RBMS3: variants seen among roughly 807,000 people sequenced by gnomAD.
RBMS3 encodes the protein RNA-binding motif, single-stranded-interacting protein 3.
Under a neutral mutation model 66.8 loss-of-function variants are expected in RBMS3, and 27 were observed. The ratio of observed to expected loss-of-function variants is 0.40; its 90% CI spans 0.30 to 0.56. RBMS3 has a LOEUF of 0.56. RBMS3 is among the 20% of genes least tolerant of loss of function. The pLI is 0.40. For missense variants in RBMS3, 513 were observed against 549.5 expected, an observed-to-expected ratio of 0.93 and a Z score of 0.66; for synonymous variants, 188 against 183.0, an observed-to-expected ratio of 1.03 and a Z score of -0.22.
chr3:29,502,962 A>G (rs2148940061), intron 3 of RBMS3, among the ~76,000 whole-genome samples: 1 of 152,094 alleles, frequency 6.6e-6, no homozygotes, highest in East Asian at 1.9e-4. Flanking sequence ...TGCCTCCCAT[A>G]TTTGCTCAGT....
At chr3:29,362,435 T>C (rs1039025723) in intron 1 of RBMS3, among the ~76,000 whole-genome samples, 1 of 152,190 alleles carries the variant, frequency 6.6e-6, no homozygotes, top group African/African-American at 2.4e-5. Context: ...GTACCCGGCC[T>C]TGTGAGGTGT....
At chr3:29,849,544 G>A (rs1290348980) in intron 6 of RBMS3, among the ~76,000 whole-genome samples, 1 of 150,660 alleles carries the variant, frequency 6.6e-6, no homozygotes, top group African/African-American at 2.4e-5. Flanking sequence ...AAAAAAAGCA[G>A]GCCAACTAAA....
Position 29,722,706 on chromosome 3 carries a change from C to A in RBMS3, c.400-17014C>A, listed in dbSNP as rs1471462277. On this transcript the variant is annotated intron_variant, in intron 4 of 14. Coordinates refer to ENST00000383767, the MANE Select transcript of RBMS3 (RefSeq NM_001003793.3). ...ATAGGCCAATTATTATGTAGAGCATCCCTACCTTAGATCTATGGGATGTTT... is the reference window on the plus strand; with the variant it reads ...ATAGGCCAATTATTATGTAGAGCATACCTACCTTAGATCTATGGGATGTTT... 2.0e-5 allele frequency among the ~76,000 whole-genome samples: 3 copies of A among 151,994 alleles called. 1 individual carries two copies. Among genetic ancestry groups the A allele is most frequent in the African/African-American group, 7.3e-5 (3 of 41,376 alleles).
At chr3:29,838,173 C>CA (rs71091080) in intron 6 of RBMS3, among the ~76,000 whole-genome samples, 38,287 of 83,036 alleles carry the variant, frequency 0.46, 8,663 homozygotes, top group East Asian at 0.52. Context: ...CTCATCTCTA[C>CA]AAAAAAAAAA....
chr3:29,457,357 A>C (rs2042225937), intron 2 of RBMS3, among the ~76,000 whole-genome samples: 1 of 152,088 alleles, frequency 6.6e-6, no homozygotes, highest in South Asian at 2.1e-4. Flanking sequence ...TCTGTTCTTC[A>C]CACTGCAGTT....
rs1323843922 is a variant in RBMS3, at chr3:29,528,062, A to G, written c.307+39563A>G. On this transcript the variant is annotated intron_variant, in intron 3 of 14. Transcript: ENST00000383767. ...AAGCATAAACAAATCAGGTTAAGTG[A>G]TCAAGAAATGCTAAACTTGTTGAAA... Among the ~76,000 whole-genome samples the G allele has an allele frequency of 1.5e-4, 23 of 151,858 alleles. 1 individual carries two copies. Among genetic ancestry groups the G allele is most frequent in the Admixed American group, 1.4e-3 (22 of 15,264 alleles).
At chr3:29,419,916 T>C (rs1374801660) in intron 1 of RBMS3, among the ~76,000 whole-genome samples, 1 of 152,216 alleles carries the variant, frequency 6.6e-6, no homozygotes, top group Non-Finnish European at 1.5e-5. Flanking sequence ...ATCATTACTA[T>C]TGTAGTTCAT....
At chr3:29,378,677 T>A (rs1386822901) in intron 1 of RBMS3, among the ~76,000 whole-genome samples, 1 of 152,162 alleles carries the variant, frequency 6.6e-6, no homozygotes, top group Non-Finnish European at 1.5e-5. Context: ...TATGTTCAGA[T>A]GATTATTTTT....
chr3:29,514,219 ACACAATTCTC>A (rs1394797400), intron 3 of RBMS3, among the ~76,000 whole-genome samples: 1 of 152,158 alleles, frequency 6.6e-6, no homozygotes, highest in Non-Finnish European at 1.5e-5. Flanking sequence ...TGTAGCAATG[ACACAATTCTC>A]CATTCTTCTA....
At chr3:29,475,931 T>C (rs1289032089) in intron 2 of RBMS3, among the ~76,000 whole-genome samples, 1 of 152,212 alleles carries the variant, frequency 6.6e-6, no homozygotes, top group African/African-American at 2.4e-5. Context: ...CTTCCTGGCA[T>C]GCAGAGAGTG....
intron 12 of RBMS3, among the ~76,000 whole-genome samples, chr3:29,971,696 G>T (rs370524516): frequency 6.6e-6 from 1 of 152,004 alleles, no homozygotes; most frequent in African/African-American, 2.4e-5. Flanking sequence ...TAACGAATTA[G>T]GCATGGTCTT....
At chr3:29,394,338 G>A (rs897743156) in intron 1 of RBMS3, among the ~76,000 whole-genome samples, 3 of 152,136 alleles carry the variant, frequency 2.0e-5, no homozygotes, top group Non-Finnish European at 4.4e-5. Flanking sequence ...GAAAATCGCT[G>A]TTATCCTGTT....
chr3:29,590,367 T>C (rs766704193), intron 4 of RBMS3, among the ~76,000 whole-genome samples: 2 of 152,096 alleles, frequency 1.3e-5, no homozygotes, highest in African/African-American at 2.4e-5. Context: ...ATTTAGTAAA[T>C]GTTAGTTATT....
intron 6 of RBMS3, among the ~76,000 whole-genome samples, chr3:29,832,501 T>TAAG (rs35960850): frequency 0.5 from 76,375 of 151,670 alleles, 19,640 homozygotes; most frequent in Non-Finnish European, 0.55. Flanking sequence ...TTGAAGGGAA[T>TAAG]AAGAACGGTT....
At chr3:29,997,104 G>A (rs1289379379) in intron 14 of RBMS3, among the ~76,000 whole-genome samples, 1 of 151,616 alleles carries the variant, frequency 6.6e-6, no homozygotes, top group Non-Finnish European at 1.5e-5. Flanking sequence ...CGATCCCACA[G>A]AAATACAAAC....
At chr3:29,989,937 ATTTGACCATT>A (rs1698716535) in intron 13 of RBMS3, among the ~76,000 whole-genome samples, 1 of 152,198 alleles carries the variant, frequency 6.6e-6, no homozygotes, top group African/African-American at 2.4e-5. Context: ...TATCTACAAA[ATTTGACCATT>A]TTGATGATTA....
chr3:29,916,482 T>A (rs1372653583), intron 10 of RBMS3, among the ~76,000 whole-genome samples: 3 of 151,970 alleles, frequency 2.0e-5, no homozygotes, highest in Non-Finnish European at 2.9e-5. Flanking sequence ...TTGCTTTTTT[T>A]AGAAAACTTA....
intron 4 of RBMS3, among the ~76,000 whole-genome samples, chr3:29,694,659 G>T (rs2052181777): frequency 1.3e-5 from 2 of 151,742 alleles, no homozygotes; most frequent in East Asian, 1.9e-4. Flanking sequence ...TGAATTTCTA[G>T]GTATTTCAGG....
At chr3:29,923,366 A>C (rs962699314) in intron 10 of RBMS3, among the ~76,000 whole-genome samples, 22 of 152,226 alleles carry the variant, frequency 1.4e-4, no homozygotes, top group African/African-American at 5.3e-4. Context: ...CAATAGGGAT[A>C]AGCAAAAACA....
Sources: allele counts gnomAD v4.1 joint callset (sites outside exome capture counted in the v4.1 genomes callset), GRCh38; gene constraint gnomAD v4.1.1; transcripts MANE v1.5; gene names NCBI Gene and HGNC (gene_info 2026-07-23, HGNC 2026-07-21).